Variants in LRRC4B observed in about 807,000 individuals in gnomAD.
The protein encoded by LRRC4B is leucine rich repeat containing 4B.
LRRC4B carries 1 observed loss-of-function variant against 7.3 expected under a neutral mutation model. That is an observed-to-expected ratio of 0.14 (90% CI 0.05 to 0.65). The LOEUF (loss-of-function observed/expected upper bound fraction) is 0.65, where lower values mean the gene tolerates loss of function less well. LRRC4B is among the 30% of genes least tolerant of loss of function. The probability of loss-of-function intolerance (pLI) is 0.84; values close to 1 mark genes in which losing one functional copy is unlikely to be tolerated. For synonymous variants in LRRC4B, 500 were observed against 499.2 expected, an observed-to-expected ratio of 1.00 and a Z score of -0.02; for missense variants, 730 against 1,041.6, an observed-to-expected ratio of 0.70 and a Z score of 4.12.
chr19:50,545,005 A>G (rs990021012), intron 2 of LRRC4B, among the ~76,000 whole-genome samples: 2 of 151,724 alleles, frequency 1.3e-5, no homozygotes, highest in African/African-American at 4.8e-5. Context: ...CCAGCTACTC[A>G]GGAGGCTGAG....
chr19:50,552,642 A>ATCCG (rs1208999648), intron 1 of LRRC4B, among the ~76,000 whole-genome samples: 16 of 103,074 alleles, frequency 1.6e-4, no homozygotes, highest in African/African-American at 5.1e-4. Context: ...CCATCCGCCC[A>ATCCG]TCCGTCCATC....
intron 2 of LRRC4B, among the ~76,000 whole-genome samples, chr19:50,530,929 G>GGC (rs71650980): frequency 0.011 from 409 of 36,764 alleles, 4 homozygotes; most frequent in African/African-American, 0.033. Flanking sequence ...GTAGAAACCT[G>GGC]GGGGGGGGGG....
chr19:50,523,801 T>C (rs1336121925), intron 2 of LRRC4B, among the ~76,000 whole-genome samples: 2 of 151,126 alleles, frequency 1.3e-5, no homozygotes, highest in Non-Finnish European at 1.5e-5. Context: ...CTACTAAAAA[T>C]ACAAAAAATT....
Position 50,548,700 on chromosome 19 carries a change from C to T in LRRC4B, c.139G>A (p.Ala47Thr), listed in dbSNP as rs759887922. 1.1e-5 allele frequency: 17 copies of T among 1,544,860 alleles called. No homozygotes were observed. Among genetic ancestry groups the T allele is most frequent in the Middle Eastern group, 3.5e-4 (2 of 5,722 alleles). ...GGGGVAVTSA[A>T]GGGSPPATSC... ...GTGGCCGGCGGGGAGCCCCCTCCGG[C>T]GGCAGACGTCACGGCCACTCCACCT... Residue 47 changes from alanine to threonine, a missense_variant, in exon 2 of 3, where the codon GCC becomes ACC. By Grantham distance (58) the Ala-to-Thr change is moderately conservative. Around this residue, in one of 6 missense-constraint regions of LRRC4B, gnomAD observed 143 missense variants for 158.4 expected, o/e 0.90. Transcript: ENST00000652263. This position sits in a 1 kb window ranked among gnomAD's most constrained non-coding sequence, Gnocchi z 6.8.
chr19:50,546,382 C>A (rs2122884930), intron 2 of LRRC4B, among the ~76,000 whole-genome samples: 1 of 152,178 alleles, frequency 6.6e-6, no homozygotes, highest in Non-Finnish European at 1.5e-5. Flanking sequence ...TCTGATTACC[C>A]TCGACGTGGT....
chr19:50,552,343 T>G (rs1228748966), intron 1 of LRRC4B, among the ~76,000 whole-genome samples: 1 of 151,782 alleles, frequency 6.6e-6, no homozygotes, highest in Non-Finnish European at 1.5e-5. Flanking sequence ...ATACCACACC[T>G]GATATACCGG....
At position 50,553,461 on chromosome 19, in the gene LRRC4B, G is replaced by A. The variant is rs369598770; in HGVS notation, c.-35-4588C>T. Among the ~76,000 whole-genome samples, 7 of 152,120 alleles carry A rather than the reference G, an allele frequency of 4.6e-5. No homozygotes were observed. The highest frequency in any genetic ancestry group is 3.2e-3 in the Middle Eastern group (1 of 316). On this transcript the variant is annotated intron_variant, in intron 1 of 2. Transcript: ENST00000652263. This position sits in a 1 kb window ranked among gnomAD's most constrained non-coding sequence, Gnocchi z 4.2. ...TTCCAGAACAGGCCGTGCACACCCCGGCCCCAGGGCCTTTGCACCTGCTCT... is the reference window on the plus strand; with the variant it reads ...TTCCAGAACAGGCCGTGCACACCCCAGCCCCAGGGCCTTTGCACCTGCTCT...
In LRRC4B at chr19:50,565,526, CGTGTGTGT is replaced by C. The variant is rs67157266; in HGVS notation, c.-36+2410_-36+2417del. On this transcript the variant is annotated intron_variant, in intron 1 of 2. Coordinates refer to ENST00000652263, the MANE Select transcript of LRRC4B (RefSeq NM_001080457.2). The stretch of plus-strand genomic sequence containing the variant: ...CTGCCAGTGAATGACTGTGTGCTCT[CGTGTGTGT>C]GTGTGTGTGTGTGTGTGTGTGTGTG... Among the ~76,000 whole-genome samples the C allele has an allele frequency of 1.9e-3, 286 of 147,122 alleles. 2 individuals are homozygous for C. The highest frequency in any genetic ancestry group is 3.7e-3 in the East Asian group (18 of 4,862).
intron 1 of LRRC4B, among the ~76,000 whole-genome samples, chr19:50,550,398 C>T (rs952374337): frequency 1.3e-5 from 2 of 151,696 alleles, no homozygotes; most frequent in African/African-American, 2.4e-5. Context: ...CACAAACACG[C>T]ACACCGACCC....
rs1982521293 is a variant in LRRC4B at position 50,563,016 on chromosome 19, G to A, written c.-36+4928C>T. Among the ~76,000 whole-genome samples the A allele has an allele frequency of 6.6e-6, 1 of 151,992 alleles. No individual in the cohort carries two copies. Among genetic ancestry groups the A allele is most frequent in the Non-Finnish European group, 1.5e-5 (1 of 67,994 alleles). On this transcript the variant is annotated intron_variant, in intron 1 of 2. Coordinates refer to ENST00000652263, the MANE Select transcript of LRRC4B (RefSeq NM_001080457.2). The surrounding 1 kb of genome is among the most constrained non-coding windows in gnomAD (Gnocchi z 4.9). ...CAGCCTCCCAAAGTGTTGAGACGGC[G>A]TGAGCCACCATGCCTGGCCTGTCTC...
intron 2 of LRRC4B, among the ~76,000 whole-genome samples, chr19:50,545,263 C>T (rs1238892757): frequency 2.0e-5 from 3 of 151,798 alleles, no homozygotes; most frequent in Non-Finnish European, 2.9e-5. Context: ...CAAAATTAGC[C>T]GGGCGTGGTG....
intron 1 of LRRC4B, among the ~76,000 whole-genome samples, chr19:50,554,397 C>G (rs901756928): frequency 6.6e-6 from 1 of 152,082 alleles, no homozygotes; most frequent in South Asian, 2.1e-4. Flanking sequence ...TGGCTAAGTC[C>G]CAGATACTAC....
At chr19:50,531,552 T>C (rs934299739) in intron 2 of LRRC4B, among the ~76,000 whole-genome samples, 1 of 152,210 alleles carries the variant, frequency 6.6e-6, no homozygotes, top group Non-Finnish European at 1.5e-5. Context: ...AATGGGGGTG[T>C]TGCTGCAAAG....
chr19:50,521,827 TG>T (rs1170472357), intron 2 of LRRC4B, among the ~76,000 whole-genome samples: 1 of 151,994 alleles, frequency 6.6e-6, no homozygotes, highest in Non-Finnish European at 1.5e-5. Flanking sequence ...CCCAAAGTGC[TG>T]GGAAATTACA....
intron 2 of LRRC4B, among the ~76,000 whole-genome samples, chr19:50,521,457 T>C (rs1980576256): frequency 6.6e-6 from 1 of 152,194 alleles, no homozygotes; most frequent in South Asian, 2.1e-4. Flanking sequence ...AGACAGAGTC[T>C]TGCTCTGTCA....
At position 50,548,341 on chromosome 19, in the gene LRRC4B, T is replaced by A. The variant is rs1283435881; in HGVS notation, c.297+201A>T. 6.6e-6 allele frequency among the ~76,000 whole-genome samples: 1 copy of A among 152,224 alleles called. No homozygotes were observed. The highest frequency in any genetic ancestry group is 2.4e-5 in the African/African-American group (1 of 41,460). Reference sequence around the variant, plus strand: ...ACGGTGGCTCAGAGACAGGGAGCACTGTGCTCTCAAAGCCCGGAGGGCCTC... The same window carrying A: ...ACGGTGGCTCAGAGACAGGGAGCACAGTGCTCTCAAAGCCCGGAGGGCCTC... On this transcript the variant is annotated intron_variant, in intron 2 of 2. Coordinates refer to ENST00000652263, the MANE Select transcript of LRRC4B (RefSeq NM_001080457.2). The surrounding 1 kb of genome is among the most constrained non-coding windows in gnomAD (Gnocchi z 6.8).
intron 1 of LRRC4B, among the ~76,000 whole-genome samples, chr19:50,551,464 A>T (rs1213716143): frequency 3.6e-5 from 1 of 27,856 alleles, no homozygotes; most frequent in Admixed American, 3.6e-4. Flanking sequence ...CCCCTCTCCC[A>T]CCTCTACCTC....
chr19:50,534,751 C>T (rs1263308569), intron 2 of LRRC4B, among the ~76,000 whole-genome samples: 1 of 152,124 alleles, frequency 6.6e-6, no homozygotes, highest in Admixed American at 6.6e-5. Context: ...AAAAAAATCC[C>T]ACTGAGATCT....
chr19:50,523,677 G>A (rs1174152030), intron 2 of LRRC4B, among the ~76,000 whole-genome samples: 2 of 151,412 alleles, frequency 1.3e-5, no homozygotes, highest in Admixed American at 1.3e-4. Context: ...ACAAAAAAGA[G>A]GCCGGGCATG....
Sources: allele counts gnomAD v4.1 joint callset (sites outside exome capture counted in the v4.1 genomes callset), GRCh38; gene constraint gnomAD v4.1.1; regional missense constraint gnomAD v4.1.1; non-coding constraint Gnocchi (gnomAD v3.1); transcripts MANE v1.5; gene names NCBI Gene and HGNC (gene_info 2026-07-23, HGNC 2026-07-21).